ZFYVE1: variants seen among roughly 807,000 people sequenced by gnomAD.
The protein encoded by ZFYVE1 is zinc finger FYVE-type containing 1, also known as zinc finger FYVE domain-containing protein 1.
Under a neutral mutation model 74.4 loss-of-function variants are expected in ZFYVE1, and 30 were observed. That is an observed-to-expected ratio of 0.40 (90% CI 0.30 to 0.55). ZFYVE1 has a LOEUF of 0.55. Ranked by LOEUF, ZFYVE1 falls within the 20% of genes least tolerant of loss-of-function variation. The pLI, the probability that ZFYVE1 is intolerant of heterozygous loss-of-function variation, is 0.42. For missense variants in ZFYVE1, 703 were observed against 1,011.6 expected, an observed-to-expected ratio of 0.69 and a Z score of 4.14; for synonymous variants, 335 against 385.1, an observed-to-expected ratio of 0.87 and a Z score of 1.52.
chr14:73,021,389 A>ATAAATAAC (rs1251428913), intron 2 of ZFYVE1, among the ~76,000 whole-genome samples: 102 of 147,470 alleles, frequency 6.9e-4, no homozygotes, highest in African/African-American at 2.5e-3. Context: ...AAATAAATAA[A>ATAAATAAC]TAACTGAAGT....
At chr14:72,995,375 G>A (rs1438808867) in intron 3 of ZFYVE1, among the ~76,000 whole-genome samples, 1 of 152,170 alleles carries the variant, frequency 6.6e-6, no homozygotes, top group Non-Finnish European at 1.5e-5. Context: ...GGGACCACAG[G>A]TATGTACCAC....
At chr14:73,023,147 C>T (rs138879317) in intron 2 of ZFYVE1, among the ~76,000 whole-genome samples, 2,032 of 119,980 alleles carry the variant, frequency 0.017, 50 homozygotes, top group East Asian at 0.047. Flanking sequence ...GGTGACAGAG[C>T]GAAATTCCAT....
chr14:73,020,041 G>C (rs1369604958), intron 2 of ZFYVE1, among the ~76,000 whole-genome samples: 3 of 152,032 alleles, frequency 2.0e-5, no homozygotes, highest in Admixed American at 2.0e-4. Context: ...CAGGTCACGA[G>C]GTCAAGAGAT....
intron 3 of ZFYVE1, 78 bp from the exon 4 acceptor site, chr14:72,993,435 G>T: frequency 1.5e-6 from 2 of 1,332,608 alleles, no homozygotes; most frequent in Non-Finnish European, 2.0e-6. Flanking sequence ...AGGCACGGTG[G>T]CCCACACCTG....
chr14:73,002,211 G>A (rs74573615), intron 2 of ZFYVE1, among the ~76,000 whole-genome samples: 213 of 152,162 alleles, frequency 1.4e-3, no homozygotes, highest in African/African-American at 4.5e-3. Context: ...TATATGAAAC[G>A]TCCAGAGCAG....
chr14:72,972,812 A>G (rs1333861422), intron 11 of ZFYVE1, among the ~76,000 whole-genome samples: 4 of 149,210 alleles, frequency 2.7e-5, no homozygotes, highest in Admixed American at 6.7e-5. Flanking sequence ...GGTTCATGCC[A>G]TTCTCCTGCC....
In ZFYVE1 at chr14:73,027,006, C is replaced by G; in HGVS notation, c.-515G>C. The G allele has an allele frequency of 2.5e-6, 1 of 398,932 alleles. No homozygotes were observed. The highest frequency in any genetic ancestry group is 3.6e-5 in the East Asian group (1 of 28,070). The allele number at this position is 398,932 out of a possible 1,614,324, so 24.7% of individuals were successfully genotyped here. The stretch of plus-strand genomic sequence containing the variant: ...GGGGCAGAGGCTATTCCTCAGGACA[C>G]CGGCAGATCCATCCTCATCTCCATC... On this transcript the variant is annotated 5_prime_UTR_variant, in exon 1 of 12. Coordinates refer to ENST00000556143, the MANE Select transcript of ZFYVE1 (RefSeq NM_021260.4).
In ZFYVE1 at chr14:72,970,461, G is replaced by C; in HGVS notation, c.*421C>G. 5.3e-6 allele frequency: 1 copy of C among 190,334 alleles called. No individual in the cohort carries two copies. Among genetic ancestry groups the C allele is most frequent in the South Asian group, 1.0e-4 (1 of 9,804 alleles). 11.8% of individuals were successfully genotyped at this position (190,334 alleles called of 1,614,324 possible). ...AGCAGAGGAAGGGGCCAGCCACGTG[G>C]TGGCCATGGACCTGGCTCGGCTCAT... On this transcript the variant is annotated 3_prime_UTR_variant, in exon 12 of 12. Coordinates refer to ENST00000556143, the MANE Select transcript of ZFYVE1 (RefSeq NM_021260.4).
intron 2 of ZFYVE1, among the ~76,000 whole-genome samples, chr14:73,005,700 G>A (rs1297249557): frequency 1.3e-5 from 2 of 152,162 alleles, no homozygotes; most frequent in African/African-American, 4.8e-5. Context: ...AAAAGGCATA[G>A]CACAGTGCCT....
In ZFYVE1 at chr14:72,970,876, C is replaced by T. The variant is rs1366324706; in HGVS notation, c.*6G>A. 1.2e-6 allele frequency: 2 copies of T among 1,613,680 alleles called. No homozygotes were observed. The highest frequency in any genetic ancestry group is 1.7e-6 in the Non-Finnish European group (2 of 1,179,662). On this transcript the variant is annotated 3_prime_UTR_variant, in exon 12 of 12. Transcript: ENST00000556143. Reference sequence around the variant, plus strand: ...AATTGTGAAGGACTCGGAGAGGGGGCTGGGGTTAAAGGTCACCGGGCTTTT... The same window carrying T: ...AATTGTGAAGGACTCGGAGAGGGGGTTGGGGTTAAAGGTCACCGGGCTTTT...
At chr14:73,005,974 T>C (rs1423219904) in intron 2 of ZFYVE1, among the ~76,000 whole-genome samples, 1 of 151,688 alleles carries the variant, frequency 6.6e-6, no homozygotes, top group African/African-American at 2.4e-5. Flanking sequence ...CAGGCTGGAG[T>C]GCAGTGGCAC....
chr14:72,983,727 T>C (rs980915802), intron 4 of ZFYVE1, among the ~76,000 whole-genome samples: 7 of 152,336 alleles, frequency 4.6e-5, no homozygotes, highest in African/African-American at 1.4e-4. Flanking sequence ...AGTAATGGGA[T>C]GGCTGGGTCA....
intron 4 of ZFYVE1, chr14:72,987,020 T>C (rs191031114): frequency 7.3e-6 from 7 of 965,152 alleles, no homozygotes; most frequent in African/African-American, 5.3e-5. Flanking sequence ...CTGGAAAAGG[T>C]TGCCTGGAGA....
chr14:72,996,774 C>T (rs1893758611), intron 3 of ZFYVE1, among the ~76,000 whole-genome samples: 2 of 152,154 alleles, frequency 1.3e-5, no homozygotes, highest in South Asian at 4.1e-4. Context: ...ACCGTGCGGT[C>T]GCCCCAACTA....
At position 72,977,993 on chromosome 14, in the gene ZFYVE1, G is replaced by A. The variant is rs35421460; in HGVS notation, c.1569C>T (p.Tyr523=). Residue 523 remains tyrosine (Y), a synonymous_variant, in exon 8 of 12, where the codon TAC becomes TAT. Transcript: ENST00000556143. The part of the protein sequence containing the change: ...NCGVVYRSRQ[Y]WFGNQDPVDT... Reference sequence around the variant, plus strand: ...CCACAGGATCTTGGTTTCCAAACCAGTACTGCCGACTACGATAGACCACGC... The same window carrying A: ...CCACAGGATCTTGGTTTCCAAACCAATACTGCCGACTACGATAGACCACGC... 560 of 1,614,210 alleles carry A rather than the reference G, an allele frequency of 3.5e-4. 2 individuals carry two copies. In the African/African-American group the frequency reaches 6.4e-3, roughly 19 times the overall value.
intron 4 of ZFYVE1, among the ~76,000 whole-genome samples, chr14:72,990,478 C>A (rs1893582285): frequency 6.6e-6 from 1 of 151,758 alleles, no homozygotes; most frequent in South Asian, 2.1e-4. Context: ...CTCACTGCAA[C>A]CTCCGCCTCT....
At chr14:72,996,885 C>T (rs1280616867) in intron 3 of ZFYVE1, among the ~76,000 whole-genome samples, 1 of 152,190 alleles carries the variant, frequency 6.6e-6, no homozygotes, top group Non-Finnish European at 1.5e-5. Context: ...ACCGAATGAA[C>T]AAGTGAAGAT....
chr14:72,990,689 CTTTTTTTTT>C (rs369030778), intron 4 of ZFYVE1, among the ~76,000 whole-genome samples: 768 of 66,706 alleles, frequency 0.012, 23 homozygotes, highest in African/African-American at 0.036. Context: ...CGCACCTGGC[CTTTTTTTTT>C]TTTTTTTTTT....
intron 8 of ZFYVE1, among the ~76,000 whole-genome samples, chr14:72,976,372 G>A (rs1397444033): frequency 6.6e-5 from 10 of 152,122 alleles, no homozygotes; most frequent in Admixed American, 2.6e-4. Context: ...ATAAGGCCAC[G>A]TTAAATCCTT....
Sources: gnomAD v4.1 joint callset for allele counts (sites outside exome capture counted in the v4.1 genomes callset) on GRCh38, gnomAD v4.1.1 for gene constraint, MANE v1.5 for transcripts, NCBI Gene and HGNC (gene_info 2026-07-23, HGNC 2026-07-21) for gene names.